ZNF608: variants seen among roughly 807,000 people sequenced by gnomAD.
ZNF608 encodes zinc finger protein 608.
Under a neutral mutation model 109.0 loss-of-function variants are expected in ZNF608, and 12 were observed. That is an observed-to-expected ratio of 0.11 (90% CI 0.07 to 0.18). The LOEUF (loss-of-function observed/expected upper bound fraction) is 0.18, where lower values mean the gene tolerates loss of function less well. Among genes scored for constraint, ZNF608 ranks in the 10% least tolerant of loss-of-function variants. ZNF608 has a pLI of 1.00. For missense variants in ZNF608, 1,707 were observed against 1,879.3 expected (o/e 0.91, Z 1.70); for synonymous variants, 732 against 717.4 (o/e 1.02, Z -0.33).
At chr5:124,674,256 A>G (rs200824208) in intron 3 of ZNF608, among the ~76,000 whole-genome samples, 1 of 135,094 alleles carries the variant, frequency 7.4e-6, no homozygotes, top group East Asian at 2.6e-4. Flanking sequence ...ATGTTCAAAG[A>G]GCCCATAATT....
chr5:124,744,084 C>A lies in ZNF608; in HGVS notation c.906G>T (p.Lys302Asn). 6.3e-7 allele frequency: 1 copy of A among 1,580,428 alleles called. No individual in the cohort carries two copies. Among genetic ancestry groups the A allele is most frequent in the Non-Finnish European group, 8.6e-7 (1 of 1,162,946 alleles). ...ATCTAGGAAGGCGACTTTATCCTACCTTCTCAGTTTTCAGTTTCTTGATTC... is the reference window on the plus strand; with the variant it reads ...ATCTAGGAAGGCGACTTTATCCTACATTCTCAGTTTTCAGTTTCTTGATTC... ...HRRIKKLKTEKVDPLFTVPAP... is the reference protein window; with the variant it reads ...HRRIKKLKTENVDPLFTVPAP... Residue 302 changes from lysine (K) to asparagine (N), a missense_variant and splice_region_variant, in exon 2 of 10, where the codon AAG (lysine) becomes AAT (asparagine). Lys to Asn is a moderately conservative substitution (Grantham distance 94, BLOSUM62 0). This residue lies in a region of ZNF608 where 407 missense variants were observed against 398.7 expected (regional missense o/e 1.02). Transcript: ENST00000513986. This position sits in a 1 kb window ranked among gnomAD's most constrained non-coding sequence, Gnocchi z 4.5.
chr5:124,684,848 A>C (rs1169382839), intron 3 of ZNF608, among the ~76,000 whole-genome samples: 2 of 152,234 alleles, frequency 1.3e-5, no homozygotes, highest in African/African-American at 4.8e-5. Flanking sequence ...TCTCAAAAAC[A>C]GTTTGTCCAA....
Position 124,648,200 on chromosome 5 carries a change from G to T in ZNF608, c.2184C>A (p.Asn728Lys). Residue 728 changes from asparagine to lysine, a missense_variant, in exon 5 of 10, where the codon AAC becomes AAA. Physicochemically the swap from Asn to Lys is moderately conservative, Grantham distance 94. Around this residue, in one of 7 missense-constraint regions of ZNF608, gnomAD observed 1,073 missense variants for 1,133.5 expected, o/e 0.95. Transcript: ENST00000513986. The stretch of plus-strand genomic sequence containing the variant: ...GCCGGGCACTTTTCAGTTTAGAGAG[G>T]TTTTTGTCCGTTTTGCAGTTGGTAG... ...KKATNCKTDK[N>K]LSKLKSARPI... 1 of 1,614,040 alleles carries T rather than the reference G, an allele frequency of 6.2e-7. No individual in the cohort carries two copies. Among genetic ancestry groups the T allele is most frequent in the Non-Finnish European group, 8.5e-7 (1 of 1,180,000 alleles).
intron 3 of ZNF608, among the ~76,000 whole-genome samples, chr5:124,696,759 C>T (rs998024667): frequency 6.6e-6 from 1 of 152,110 alleles, no homozygotes; most frequent in Non-Finnish European, 1.5e-5. Context: ...GTAAGTAGGA[C>T]GGGTGTCCCT....
intron 3 of ZNF608, among the ~76,000 whole-genome samples, chr5:124,697,356 T>C (rs1019910199): frequency 6.6e-6 from 1 of 152,004 alleles, no homozygotes; most frequent in African/African-American, 2.4e-5. Context: ...ATGTTTTTTC[T>C]GGTTTGTTTT....
intron 3 of ZNF608, among the ~76,000 whole-genome samples, chr5:124,661,174 A>C (rs913709925): frequency 1.3e-4 from 20 of 152,234 alleles, no homozygotes. Context: ...ATGCAGTTCT[A>C]AATCACTGAA....
At chr5:124,748,046 C>A (rs1189483834), upstream of ZNF608, among the ~76,000 whole-genome samples, 8 of 152,002 alleles carry the variant, frequency 5.3e-5, no homozygotes, top group African/African-American at 1.5e-4. Context: ...AAGGAGATGG[C>A]GAATGGTAAT....
chr5:124,706,479 G>C (rs1753264115), intron 2 of ZNF608, among the ~76,000 whole-genome samples: 1 of 152,192 alleles, frequency 6.6e-6, no homozygotes, highest in Admixed American at 6.5e-5. Flanking sequence ...CAATTCACAA[G>C]AGGCAACAAC....
At chr5:124,705,901 T>C (rs1398505304) in intron 2 of ZNF608, among the ~76,000 whole-genome samples, 2 of 152,150 alleles carry the variant, frequency 1.3e-5, no homozygotes, top group East Asian at 1.9e-4. Flanking sequence ...TCAACTCTTA[T>C]CACACATCCA....
In ZNF608 at chr5:124,637,403, T is replaced by C. The variant is rs547643389; in HGVS notation, c.*497A>G. 1 of 152,670 alleles carries C rather than the reference T, an allele frequency of 6.6e-6. No homozygotes were observed. The highest frequency in any genetic ancestry group is 2.1e-4 in the South Asian group (1 of 4,830). 9.5% of individuals were successfully genotyped at this position (152,670 alleles called of 1,614,324 possible). On this transcript the variant is annotated 3_prime_UTR_variant, in exon 10 of 10. Coordinates refer to ENST00000513986, the MANE Select transcript of ZNF608 (RefSeq NM_020747.3). ...AATAGACATCTAAATTGTACCAAAGTGTCATCATCACAGTTAGCCTTTCTG... is the reference window on the plus strand; with the variant it reads ...AATAGACATCTAAATTGTACCAAAGCGTCATCATCACAGTTAGCCTTTCTG...
At chr5:124,650,079 C>T (rs952037838) in intron 3 of ZNF608, among the ~76,000 whole-genome samples, 1 of 152,226 alleles carries the variant, frequency 6.6e-6, no homozygotes, top group Non-Finnish European at 1.5e-5. Context: ...TATAAACTAG[C>T]GCCAGTTACC....
Position 124,744,240 on chromosome 5 carries a change from G to A in ZNF608, c.750C>T (p.Phe250=). Residue 250 remains phenylalanine, a synonymous_variant, in exon 2 of 10, where the codon TTC becomes TTT. Coordinates refer to ENST00000513986, the MANE Select transcript of ZNF608 (RefSeq NM_020747.3). The surrounding 1 kb of genome is among the most constrained non-coding windows in gnomAD (Gnocchi z 4.5). ...AKSNGGGASP[F]HCGGTGSGSV... Reference sequence around the variant, plus strand: ...TGCCACTCCCAGTGCCCCCGCAGTGGAAGGGGCTCGCGCCACCTCCATTGC... The same window carrying A: ...TGCCACTCCCAGTGCCCCCGCAGTGAAAGGGGCTCGCGCCACCTCCATTGC... The A allele has an allele frequency of 1.2e-6, 2 of 1,613,572 alleles. No individual in the cohort carries two copies. The highest frequency in any genetic ancestry group is 1.7e-4 in the Middle Eastern group (1 of 6,060).
chr5:124,654,212 G>A (rs1468786146), intron 3 of ZNF608, among the ~76,000 whole-genome samples: 2 of 151,580 alleles, frequency 1.3e-5, no homozygotes, highest in African/African-American at 2.4e-5. Flanking sequence ...TAATGAGATG[G>A]GCTCTCAGTA....
intron 3 of ZNF608, among the ~76,000 whole-genome samples, chr5:124,681,255 C>G (rs552278772): frequency 6.6e-6 from 1 of 152,218 alleles, no homozygotes; most frequent in South Asian, 2.1e-4. Flanking sequence ...GAGTTTGAGA[C>G]CAGCCTGGTC....
chr5:124,734,086 G>A (rs1012760304), intron 2 of ZNF608, among the ~76,000 whole-genome samples: 1 of 152,070 alleles, frequency 6.6e-6, no homozygotes, highest in East Asian at 1.9e-4. Flanking sequence ...ACAGTGATGC[G>A]ATCAACATAA....
intron 2 of ZNF608, among the ~76,000 whole-genome samples, chr5:124,724,399 AT>A (rs1271901144): frequency 6.6e-6 from 1 of 151,228 alleles, no homozygotes; most frequent in African/African-American, 2.4e-5. Flanking sequence ...TTTAAAAAAA[AT>A]AGTCAAAAAG....
At chr5:124,719,436 A>T (rs1284921049) in intron 2 of ZNF608, among the ~76,000 whole-genome samples, 7 of 152,202 alleles carry the variant, frequency 4.6e-5, no homozygotes, top group African/African-American at 1.7e-4. Flanking sequence ...CCACTTACAG[A>T]TTTGTTTGCA....
chr5:124,643,168 C>T (rs1158267811), intron 7 of ZNF608, among the ~76,000 whole-genome samples: 1 of 152,170 alleles, frequency 6.6e-6, no homozygotes, highest in Non-Finnish European at 1.5e-5. Context: ...AAATATACTC[C>T]TCTGTTACCT....
At position 124,667,955 on chromosome 5, in the gene ZNF608, G is replaced by A. The variant is rs573309760; in HGVS notation, c.1163-18258C>T. 3.4e-4 allele frequency among the ~76,000 whole-genome samples: 51 copies of A among 152,108 alleles called. No individual in the cohort carries two copies. The South Asian group carries it at 1.0e-2, about 30-fold the overall frequency. On this transcript the variant is annotated intron_variant, in intron 3 of 9. Coordinates refer to ENST00000513986, the MANE Select transcript of ZNF608 (RefSeq NM_020747.3). ...CCTCAACTCAAGGGCTTTGCCCCTTGCTCTAGTTGGTCACGTGCTAAATAT... is the reference window on the plus strand; with the variant it reads ...CCTCAACTCAAGGGCTTTGCCCCTTACTCTAGTTGGTCACGTGCTAAATAT...
Sources: gnomAD v4.1 joint callset for allele counts (sites outside exome capture counted in the v4.1 genomes callset) on GRCh38, gnomAD v4.1.1 for gene constraint, gnomAD v4.1.1 regional missense constraint, Gnocchi (gnomAD v3.1) non-coding constraint, MANE v1.5 for transcripts, NCBI Gene and HGNC (gene_info 2026-07-23, HGNC 2026-07-21) for gene names.